Variants in RNF13 observed in about 807,000 individuals in gnomAD.
The protein encoded by RNF13 is E3 ubiquitin-protein ligase RNF13.
A neutral mutation model predicts 37.7 loss-of-function variants in RNF13; 19 were observed. The observed-to-expected ratio is 0.50, with a 90% CI of 0.35 to 0.74. The LOEUF (loss-of-function observed/expected upper bound fraction) is 0.74, where lower values mean the gene tolerates loss of function less well. RNF13 is among the 30% of genes least tolerant of loss of function. The pLI is 0.01. For missense variants in RNF13, 375 were observed against 453.0 expected (o/e 0.83, Z 1.56); for synonymous variants, 144 against 157.8 (o/e 0.91, Z 0.65).
intron 6 of RNF13, among the ~76,000 whole-genome samples, chr3:149,902,586 G>C (rs1715955163): frequency 6.6e-6 from 1 of 152,036 alleles, no homozygotes; most frequent in Non-Finnish European, 1.5e-5. Flanking sequence ...CAAAAAGTCA[G>C]TTTTCAAGTT....
Position 149,902,079 on chromosome 3 carries a change from A to G in RNF13, c.417A>G (p.Val139=), listed in dbSNP as rs1715900755. 7.0e-7 allele frequency: 1 copy of G among 1,421,422 alleles called. No individual in the cohort carries two copies. Among genetic ancestry groups the G allele is most frequent in the Non-Finnish European group, 9.5e-7 (1 of 1,051,124 alleles). 88.1% of individuals were successfully genotyped at this position (1,421,422 alleles called of 1,614,324 possible). A position where few individuals can be genotyped will look rare whatever the true frequency, so the allele number is the denominator to read the frequency against. The change falls in exon 6 of 10, where the codon GTA becomes GTG. Residue 139 remains valine (V), a synonymous_variant. Coordinates refer to ENST00000392894, the MANE Select transcript of RNF13 (RefSeq NM_183381.3). ...CATTATTCTTTTATACAGTTGAGGT[A>G]CTAAAGAAAATTGACATTCCATCTG... The part of the protein sequence containing the change: ...LISMGSNDIE[V]LKKIDIPSVF...
chr3:149,905,533 T>G (rs1203448836), intron 6 of RNF13, among the ~76,000 whole-genome samples: 3 of 152,002 alleles, frequency 2.0e-5, no homozygotes, highest in Non-Finnish European at 4.4e-5. Flanking sequence ...AATTTTTATT[T>G]CACTATGATG....
At chr3:149,956,452 C>T (rs988135942) in intron 8 of RNF13, among the ~76,000 whole-genome samples, 13 of 152,292 alleles carry the variant, frequency 8.5e-5, no homozygotes, top group Admixed American at 3.3e-4. Flanking sequence ...CCTTGGCTAC[C>T]TAGGTCTTTG....
chr3:149,871,035 ATTTTTTTTT>A lies in RNF13; in HGVS notation c.196-980_196-972del, dbSNP rs144707628. ...TTTTTCTGTTTTAGTCTGTTACCAG[ATTTTTTTTT>A]TTTTTTTTTTTTTCCGAGACGGAGT... On this transcript the variant is annotated intron_variant, in intron 3 of 9. Transcript: ENST00000392894. 2.5e-5 allele frequency among the ~76,000 whole-genome samples: 3 copies of A among 121,306 alleles called. No individual in the cohort carries two copies. The Admixed American group carries it at 2.5e-4, about 10-fold the overall frequency. 79.6% of individuals were successfully genotyped at this position (121,306 alleles called of 152,430 possible). A position where few individuals can be genotyped will look rare whatever the true frequency, so the allele number is the denominator to read the frequency against.
chr3:149,836,194 G>A (rs1721606577), intron 1 of RNF13, among the ~76,000 whole-genome samples: 1 of 152,020 alleles, frequency 6.6e-6, no homozygotes. Context: ...ATCTTCTTTT[G>A]AGAATTGCCT....
intron 1 of RNF13, among the ~76,000 whole-genome samples, chr3:149,835,857 C>CCCCAGTACTGGGATTGCTGGATT (rs777484707): frequency 8.6e-5 from 13 of 151,054 alleles, no homozygotes; most frequent in Admixed American, 2.0e-4. Flanking sequence ...ATTGCTGGAT[C>CCCCAGTACTGGGATTGCTGGATT]CCCAGTACTG....
chr3:149,936,886 A>G (rs1719743469), intron 8 of RNF13, among the ~76,000 whole-genome samples: 3 of 152,082 alleles, frequency 2.0e-5, no homozygotes, highest in South Asian at 4.2e-4. Context: ...TCTTAGACTT[A>G]GATCACTGCC....
At chr3:149,948,171 G>A (rs916402235) in intron 8 of RNF13, among the ~76,000 whole-genome samples, 2 of 151,694 alleles carry the variant, frequency 1.3e-5, no homozygotes, top group African/African-American at 2.4e-5. Flanking sequence ...GGCTGGTCTC[G>A]AACTCCTAAC....
chr3:149,873,675 T>C (rs1712347282), intron 4 of RNF13, among the ~76,000 whole-genome samples: 1 of 152,168 alleles, frequency 6.6e-6, no homozygotes, highest in East Asian at 1.9e-4. Flanking sequence ...CATTTATCTG[T>C]CTCATCGGTT....
At chr3:149,828,159 CAGTT>C (rs1354857795) in intron 1 of RNF13, among the ~76,000 whole-genome samples, 15 of 152,166 alleles carry the variant, frequency 9.9e-5, no homozygotes, top group African/African-American at 3.1e-4. Context: ...TTTAGTCAGT[CAGTT>C]AGACTCTAGC....
intron 9 of RNF13, 108 bp from the exon 10 acceptor site, chr3:149,960,632 C>G: frequency 9.7e-7 from 1 of 1,030,194 alleles, no homozygotes; most frequent in Non-Finnish European, 1.4e-6. Context: ...AACTTTCTTC[C>G]CGTCCCTACA....
chr3:149,874,439 G>T lies in RNF13; in HGVS notation c.321+2285G>T, dbSNP rs146529256. Among the ~76,000 whole-genome samples, 281 of 152,194 alleles carry T rather than the reference G, an allele frequency of 1.8e-3. 1 individual carries two copies. The highest frequency in any genetic ancestry group is 1.7e-3 in the Non-Finnish European group (113 of 67,984). ...TTATCTGTAAAATAAGAATTATAATGTTCCCTATATGATAGGATTGTTGGG... is the reference window on the plus strand; with the variant it reads ...TTATCTGTAAAATAAGAATTATAATTTTCCCTATATGATAGGATTGTTGGG... On this transcript the variant is annotated intron_variant, in intron 4 of 9. Coordinates refer to ENST00000392894, the MANE Select transcript of RNF13 (RefSeq NM_183381.3).
intron 2 of RNF13, among the ~76,000 whole-genome samples, chr3:149,846,553 G>A (rs927429431): frequency 3.3e-5 from 5 of 152,204 alleles, no homozygotes; most frequent in East Asian, 3.9e-4. Context: ...TGATCTTCCC[G>A]CCTTGGCCTC....
At chr3:149,919,522 CTTCT>C (rs1435822649) in intron 7 of RNF13, among the ~76,000 whole-genome samples, 16 of 152,210 alleles carry the variant, frequency 1.1e-4, no homozygotes, top group African/African-American at 3.9e-4. Flanking sequence ...TTGTGTCTGT[CTTCT>C]TTCTGTCACC....
rs543149593 is a variant in RNF13 at position 149,957,469 on chromosome 3, A to C, written c.701-2587A>C. 2.0e-5 allele frequency among the ~76,000 whole-genome samples: 3 copies of C among 152,296 alleles called. No homozygotes were observed. In the East Asian group the frequency reaches 5.8e-4, roughly 29 times the overall value. ...AAAACCAGAAGTCTTTTACACTCAC[A>C]GTTTATGGACTGCTGAATATTTAAC... is the stretch of plus-strand genomic sequence containing the variant. On this transcript the variant is annotated intron_variant, in intron 8 of 9. Transcript: ENST00000392894.
At chr3:149,946,565 G>A (rs937117951) in intron 8 of RNF13, among the ~76,000 whole-genome samples, 1 of 152,062 alleles carries the variant, frequency 6.6e-6, no homozygotes, top group African/African-American at 2.4e-5. Context: ...TATGTTTCTA[G>A]GAATTTATCC....
At chr3:149,925,849 C>T (rs1718581890) in intron 8 of RNF13, among the ~76,000 whole-genome samples, 2 of 152,106 alleles carry the variant, frequency 1.3e-5, no homozygotes. Context: ...ATAGGAGTTC[C>T]TGTTGTTCTA....
intron 8 of RNF13, among the ~76,000 whole-genome samples, chr3:149,948,755 C>T (rs969415986): frequency 2.6e-5 from 4 of 152,060 alleles, no homozygotes; most frequent in African/African-American, 7.2e-5. Flanking sequence ...GGCCACGTGC[C>T]GTGACTCATG....
At chr3:149,817,823 A>G (rs1311733044) in intron 1 of RNF13, among the ~76,000 whole-genome samples, 1 of 152,136 alleles carries the variant, frequency 6.6e-6, no homozygotes, top group East Asian at 1.9e-4. Context: ...TACCAGTATT[A>G]TTATCTTCAC....
Sources: allele counts gnomAD v4.1 joint callset (sites outside exome capture counted in the v4.1 genomes callset), GRCh38; gene constraint gnomAD v4.1.1; transcripts MANE v1.5; gene names NCBI Gene and HGNC (gene_info 2026-07-23, HGNC 2026-07-21).